Variants in PTGER3 observed in about 807,000 individuals in gnomAD.
The protein encoded by PTGER3 is prostaglandin E receptor 3.
PTGER3 carries 22 observed loss-of-function variants against 34.7 expected under a neutral mutation model. That is an observed-to-expected ratio of 0.63 (90% confidence interval 0.45 to 0.91). The LOEUF (loss-of-function observed/expected upper bound fraction) is 0.91. PTGER3 is among the 40% of genes least tolerant of loss of function. The pLI is 0.00. For missense variants in PTGER3, 468 were observed against 519.4 expected, an observed-to-expected ratio of 0.90 and a Z score of 0.96; for synonymous variants, 241 against 230.1, an observed-to-expected ratio of 1.05 and a Z score of -0.43.
intron 4 of PTGER3, among the ~76,000 whole-genome samples, chr1:70,879,886 A>ATCCATCCT (rs1646352468): frequency 6.6e-6 from 1 of 152,116 alleles, no homozygotes; most frequent in African/African-American, 2.4e-5. Context: ...TGAGGTCAAG[A>ATCCATCCT]GATTGAGACC....
intron 4 of PTGER3, among the ~76,000 whole-genome samples, chr1:70,865,004 A>G (rs143413298): frequency 6.6e-6 from 1 of 152,340 alleles, no homozygotes; most frequent in East Asian, 1.9e-4. Context: ...CAGAAGGCAG[A>G]GTCAAGGAAG....
chr1:70,855,112 A>G (rs1645771598), intron 4 of PTGER3, among the ~76,000 whole-genome samples: 2 of 152,142 alleles, frequency 1.3e-5, no homozygotes, highest in South Asian at 4.1e-4. Context: ...AGAATGGAGT[A>G]TATACATACA....
At chr1:70,986,028 C>T (rs1018845910) in intron 2 of PTGER3, among the ~76,000 whole-genome samples, 3 of 152,092 alleles carry the variant, frequency 2.0e-5, no homozygotes, top group Non-Finnish European at 4.4e-5. Flanking sequence ...AAACAGCTTA[C>T]AGTAAAGAAG....
intron 1 of PTGER3, among the ~76,000 whole-genome samples, chr1:71,033,335 AT>A (rs1659564089): frequency 6.6e-6 from 1 of 152,186 alleles, no homozygotes; most frequent in Non-Finnish European, 1.5e-5. Flanking sequence ...TCTTACCTGG[AT>A]GACTTCAACA....
intron 4 of PTGER3, among the ~76,000 whole-genome samples, chr1:70,944,673 A>G (rs1650057471): frequency 6.6e-6 from 1 of 152,074 alleles, no homozygotes; most frequent in Admixed American, 6.6e-5. Flanking sequence ...TGAATGCCTA[A>G]CCCTGTATCT....
intron 2 of PTGER3, among the ~76,000 whole-genome samples, chr1:70,982,719 A>T (rs1654502641): frequency 1.3e-5 from 2 of 152,136 alleles, no homozygotes; most frequent in Non-Finnish European, 2.9e-5. Context: ...ATTTGTGGAC[A>T]TCTATGCAAG....
chr1:70,960,640 C>T (rs1454312384), intron 2 of PTGER3, among the ~76,000 whole-genome samples: 2 of 151,718 alleles, frequency 1.3e-5, no homozygotes, highest in African/African-American at 4.9e-5. Context: ...AGCAAAGAAG[C>T]AAGAGGATCA....
At chr1:70,925,087 C>T (rs920073994) in intron 4 of PTGER3, among the ~76,000 whole-genome samples, 2 of 152,198 alleles carry the variant, frequency 1.3e-5, no homozygotes, top group Admixed American at 6.5e-5. Context: ...TCACTGCAAC[C>T]TCCACCTCTT....
intron 2 of PTGER3, among the ~76,000 whole-genome samples, chr1:70,985,125 G>A (rs534936990): frequency 6.6e-6 from 1 of 152,306 alleles, no homozygotes; most frequent in African/African-American, 2.4e-5. Context: ...AGAAAGAGGA[G>A]TAGGAGATAA....
chr1:70,930,006 A>C (rs1238039276), intron 4 of PTGER3, among the ~76,000 whole-genome samples: 1 of 152,160 alleles, frequency 6.6e-6, no homozygotes, highest in African/African-American at 2.4e-5. Context: ...TTCAGACCTA[A>C]ATTACATTTA....
intron 4 of PTGER3, among the ~76,000 whole-genome samples, chr1:70,908,010 G>T (rs1646984749): frequency 6.6e-6 from 1 of 152,148 alleles, no homozygotes; most frequent in African/African-American, 2.4e-5. Context: ...TTGATTCTCT[G>T]ACCATATTGT....
intron 2 of PTGER3, chr1:71,007,501 G>T: frequency 1.0e-6 from 1 of 985,388 alleles, no homozygotes; most frequent in Non-Finnish European, 1.2e-6. Context: ...AAAGATAAAT[G>T]CAGTCGGTCC....
At chr1:70,962,129 A>G (rs867939978) in intron 2 of PTGER3, among the ~76,000 whole-genome samples, 11 of 152,224 alleles carry the variant, frequency 7.2e-5, no homozygotes, top group Admixed American at 2.6e-4. Context: ...TGAAGATTAT[A>G]CAACTGCCTA....
chr1:70,994,159 G>A (rs1267648275), intron 2 of PTGER3, among the ~76,000 whole-genome samples: 2 of 152,132 alleles, frequency 1.3e-5, no homozygotes, highest in Non-Finnish European at 2.9e-5. Flanking sequence ...TCCAGCTAGG[G>A]CCATTGCAGA....
At chr1:71,029,926 A>AAATAATAATAATAATAAT (rs3044586) in intron 1 of PTGER3, among the ~76,000 whole-genome samples, 22 of 144,120 alleles carry the variant, frequency 1.5e-4, no homozygotes, top group African/African-American at 4.9e-4. Context: ...ACTCCATCTC[A>AAATAATAATAATAATAAT]AATAATAATA....
intron 1 of PTGER3, among the ~76,000 whole-genome samples, chr1:71,019,770 T>C (rs1557747190): frequency 6.6e-6 from 1 of 152,178 alleles, no homozygotes; most frequent in Non-Finnish European, 1.5e-5. Context: ...AGGCCACACA[T>C]ATCTATTAAA....
rs561289291 is a variant in PTGER3 at position 70,970,900 on chromosome 1, A to G, written c.*830T>C. On this transcript the variant is annotated 3_prime_UTR_variant, in exon 4 of 4. Coordinates refer to ENST00000306666, the MANE Select transcript of PTGER3 (RefSeq NM_198719.2). ...TGTTATTTATTAATTTTGCCTTTGTATATGCTGCCAGAAAAGAAATATTAA... is the reference window on the plus strand; with the variant it reads ...TGTTATTTATTAATTTTGCCTTTGTGTATGCTGCCAGAAAAGAAATATTAA... 669 of 984,812 alleles carry G rather than the reference A, an allele frequency of 6.8e-4. 1 individual carries two copies. The highest frequency in any genetic ancestry group is 7.6e-4 in the Non-Finnish European group (628 of 829,374). 61.0% of individuals were successfully genotyped at this position (984,812 alleles called of 1,614,324 possible).
chr1:70,970,855 A>AAAGTTTGTT lies in PTGER3; in HGVS notation c.*866_*874dup. On this transcript the variant is annotated 3_prime_UTR_variant, in exon 4 of 4. Coordinates refer to ENST00000306666, the MANE Select transcript of PTGER3 (RefSeq NM_198719.2). ...TTCTTTTATTTTATAAAAACGTAAT[A>AAAGTTTGTT]AAGTTTGTTATTCAACAACTGTTAT... 1.1e-6 allele frequency: 1 copy of AAAGTTTGTT among 943,750 alleles called. No individual in the cohort carries two copies. The highest frequency in any genetic ancestry group is 1.3e-6 in the Non-Finnish European group (1 of 792,172). 58.5% of individuals were successfully genotyped at this position (943,750 alleles called of 1,614,324 possible).
At chr1:71,033,348 C>T (rs530049023) in intron 1 of PTGER3, among the ~76,000 whole-genome samples, 2 of 152,324 alleles carry the variant, frequency 1.3e-5, no homozygotes, top group Admixed American at 1.3e-4. Context: ...ACTTCAACAG[C>T]CTTCTACCTG....
Sources: allele counts gnomAD v4.1 joint callset (sites outside exome capture counted in the v4.1 genomes callset), GRCh38; gene constraint gnomAD v4.1.1; transcripts MANE v1.5; gene names NCBI Gene and HGNC (gene_info 2026-07-23, HGNC 2026-07-21).